RDX: variants seen among roughly 807,000 people sequenced by gnomAD.
RDX encodes deafness, autosomal recessive 24.
A neutral mutation model predicts 83.7 loss-of-function variants in RDX; 32 were observed. The observed-to-expected ratio is 0.38, with a 90% confidence interval of 0.29 to 0.51. The LOEUF is 0.51. RDX is among the 20% of genes least tolerant of loss of function. The probability of loss-of-function intolerance (pLI) is 0.87; values close to 1 mark genes in which losing one functional copy is unlikely to be tolerated. For missense variants in RDX, 600 were observed against 689.9 expected (o/e 0.87, Z 1.46); for synonymous variants, 229 against 222.7 (o/e 1.03, Z -0.25).
At position 110,285,783 on chromosome 11, in the gene RDX, G is replaced by A. The variant is rs1023793691; in HGVS notation, c.-64-6027C>T. Among the ~76,000 whole-genome samples the A allele has an allele frequency of 7.3e-5, 11 of 150,110 alleles. No individual in the cohort carries two copies. The South Asian group carries it at 2.3e-3, about 32-fold the overall frequency. ...TATTAGTATGTTTTTAATTGAAACT[G>A]GCATCTATTAGTAGCAGAATAGATA... On this transcript the variant is annotated intron_variant, in intron 1 of 13. Transcript: ENST00000645495.
chr11:110,209,676 G>A (rs1863754671), intron 14 of RDX, among the ~76,000 whole-genome samples: 4 of 147,364 alleles, frequency 2.7e-5, no homozygotes, highest in Admixed American at 2.7e-4. Flanking sequence ...GTGGGTCCCT[G>A]ACCCCTGACC....
chr11:110,264,944 A>G (rs1330993452), intron 3 of RDX, 70 bp from the exon 4 acceptor site: 2 of 1,110,110 alleles, frequency 1.8e-6, no homozygotes, highest in Non-Finnish European at 2.7e-6. Context: ...ATGATACTAC[A>G]CTTCAAAAGG....
chr11:110,211,630 CTA>C (rs1409053490), intron 14 of RDX, among the ~76,000 whole-genome samples: 1 of 147,696 alleles, frequency 6.8e-6, no homozygotes, highest in African/African-American at 2.5e-5. Flanking sequence ...TTATAACAAA[CTA>C]TCTCTCAGAC....
downstream of RDX, chr11:110,229,389 G>GT (rs1307042515): frequency 3.3e-5 from 5 of 152,354 alleles, no homozygotes; most frequent in Non-Finnish European, 5.9e-5. Flanking sequence ...GATAAAGATT[G>GT]TAATTTTCAA....
intron 1 of RDX, among the ~76,000 whole-genome samples, chr11:110,287,621 G>C (rs1464388808): frequency 1.3e-5 from 2 of 152,100 alleles, no homozygotes; most frequent in East Asian, 1.9e-4. Context: ...GAAGCAAAGA[G>C]GACAAGAATT....
In RDX at chr11:110,201,903, TTGTGTGTGTGTGTG is replaced by T. The variant is rs141731309; in HGVS notation, c.1749-2239_1749-2226del. Among the ~76,000 whole-genome samples the T allele has an allele frequency of 7.3e-3, 997 of 137,312 alleles. 15 individuals are homozygous for T. Among genetic ancestry groups the T allele is most frequent in the African/African-American group, 0.024 (908 of 37,574 alleles). 90.1% of individuals were successfully genotyped at this position (137,312 alleles called of 152,430 possible). A position where few individuals can be genotyped will look rare whatever the true frequency, so the allele number is the denominator to read the frequency against. ...CACATGCCACCACATCCGGCTAATT[TTGTGTGTGTGTGTG>T]TGTGTGTGTGTGTGTGTGTGTGTGT... On this transcript the variant is annotated intron_variant, in intron 14 of 15. Transcript: ENST00000528498.
At chr11:110,283,406 G>A (rs60636664) in intron 1 of RDX, among the ~76,000 whole-genome samples, 6,130 of 152,068 alleles carry the variant, frequency 0.04, 417 homozygotes, top group African/African-American at 0.14. Context: ...TGCCTGCTTC[G>A]GCCTCCCAAA....
intron 9 of RDX, among the ~76,000 whole-genome samples, chr11:110,248,810 T>C (rs1034878823): frequency 6.6e-6 from 1 of 152,202 alleles, no homozygotes; most frequent in African/African-American, 2.4e-5. Flanking sequence ...GGCAACAATT[T>C]TCAATCATTA....
In RDX at chr11:110,237,607, C is replaced by T. The variant is rs759574395; in HGVS notation, c.1136G>A (p.Arg379Gln). The stretch of plus-strand genomic sequence containing the variant: ...TTCTGCTTCTTCTTTTGCTCGTTTT[C>T]GTTCTTGATCCAGTTCTAGAGCTTT... The part of the protein sequence containing the change: ...TRKALELDQE[R>Q]KRAKEEAERL... Residue 379 changes from arginine to glutamine, a missense_variant, in exon 11 of 14, where the codon CGA becomes CAA. Arg to Gln is a conservative substitution (Grantham distance 43, BLOSUM62 1). Coordinates refer to ENST00000645495, the MANE Select transcript of RDX (RefSeq NM_002906.4). 6.2e-7 allele frequency: 1 copy of T among 1,614,144 alleles called. No homozygotes were observed. Among genetic ancestry groups the T allele is most frequent in the Non-Finnish European group, 8.5e-7 (1 of 1,180,018 alleles).
chr11:110,237,536 T>C lies in RDX; in HGVS notation c.1207A>G (p.Ile403Val). Residue 403 changes from isoleucine to valine, a missense_variant, in exon 11 of 14, where the codon ATA becomes GTA. Physicochemically the swap from Ile to Val is conservative, Grantham distance 29. Coordinates refer to ENST00000645495, the MANE Select transcript of RDX (RefSeq NM_002906.4). ...RRAAEEAKSA[I>V]AKQAADQMKN... ...ATCTGGTCGGCAGCTTGTTTTGCTA[T>C]GGCAGACTTTGCCTCTTCAGCAGCT... The C allele has an allele frequency of 1.2e-6, 2 of 1,613,378 alleles. No individual in the cohort carries two copies. The highest frequency in any genetic ancestry group is 2.2e-5 in the East Asian group (1 of 44,890).
intron 15 of RDX, among the ~76,000 whole-genome samples, chr11:110,189,150 T>C (rs752605692): frequency 6.8e-6 from 1 of 146,910 alleles, no homozygotes; most frequent in Admixed American, 6.9e-5. Context: ...AAGTAAAGGG[T>C]TGGAGGAAGA....
At chr11:110,207,217 G>A (rs1237922745) in intron 14 of RDX, among the ~76,000 whole-genome samples, 4 of 152,064 alleles carry the variant, frequency 2.6e-5, no homozygotes, top group South Asian at 4.2e-4. Flanking sequence ...CAAGTGATCC[G>A]CCCGCCTCAG....
At chr11:110,218,236 G>C (rs1048374053) in intron 14 of RDX, among the ~76,000 whole-genome samples, 1 of 152,198 alleles carries the variant, frequency 6.6e-6, no homozygotes. Flanking sequence ...ATTATGTGTA[G>C]ATTTGGGGAA....
At chr11:110,200,875 T>C (rs568860518) in intron 14 of RDX, among the ~76,000 whole-genome samples, 1 of 152,342 alleles carries the variant, frequency 6.6e-6, no homozygotes, top group East Asian at 1.9e-4. Flanking sequence ...CTTTGAAGGT[T>C]AGTCTGGCTG....
intron 1 of RDX, among the ~76,000 whole-genome samples, chr11:110,283,734 G>T (rs533675378): frequency 2.7e-4 from 41 of 151,182 alleles, no homozygotes; most frequent in African/African-American, 1.0e-3. Context: ...CAAACAAAAA[G>T]ACAGACTTGA....
intron 2 of RDX, among the ~76,000 whole-genome samples, chr11:110,273,486 A>C (rs1860384399): frequency 6.6e-6 from 1 of 152,218 alleles, no homozygotes; most frequent in Admixed American, 6.5e-5. Flanking sequence ...CAATCATGGC[A>C]CACTGCAACC....
intron 3 of RDX, among the ~76,000 whole-genome samples, chr11:110,267,604 C>A (rs1860109434): frequency 6.7e-6 from 1 of 150,280 alleles, no homozygotes; most frequent in Admixed American, 6.6e-5. Context: ...GGTTTCAAGA[C>A]AGCAAACTGA....
intron 1 of RDX, among the ~76,000 whole-genome samples, chr11:110,288,134 T>C (rs541950062): frequency 2.0e-5 from 3 of 152,292 alleles, no homozygotes; most frequent in Non-Finnish European, 4.4e-5. Context: ...CATGTAGAAA[T>C]GATTTCTGGT....
chr11:110,220,212 A>G (rs1347836367), intron 14 of RDX, among the ~76,000 whole-genome samples: 1 of 152,244 alleles, frequency 6.6e-6, no homozygotes, highest in Non-Finnish European at 1.5e-5. Flanking sequence ...AACCCAAAGG[A>G]CTTGGCTACA....
Sources: gnomAD v4.1 joint callset for allele counts (sites outside exome capture counted in the v4.1 genomes callset) on GRCh38, gnomAD v4.1.1 for gene constraint, MANE v1.5 for transcripts, NCBI Gene and HGNC (gene_info 2026-07-23, HGNC 2026-07-21) for gene names.